The following AGBL3 variants were observed in gnomAD, a reference collection of about 807,000 sequenced individuals.
The protein encoded by AGBL3 is AGBL carboxypeptidase 3.
A neutral mutation model predicts 94.5 loss-of-function variants in AGBL3; 68 were observed. That is an observed-to-expected ratio of 0.72 (90% confidence interval 0.59 to 0.88). The LOEUF is 0.88. AGBL3 is among the 40% of genes least tolerant of loss of function. The pLI, the probability that AGBL3 is intolerant of heterozygous loss-of-function variation, is 0.00. For missense variants in AGBL3, 934 were observed against 1,103.8 expected (o/e 0.85, Z 2.18); for synonymous variants, 354 against 370.7 (o/e 0.95, Z 0.52).
At chr7:135,053,011 G>A (rs1318362533) in intron 11 of AGBL3, among the ~76,000 whole-genome samples, 1 of 152,134 alleles carries the variant, frequency 6.6e-6, no homozygotes, top group African/African-American at 2.4e-5. Flanking sequence ...TACATGTGCA[G>A]AAATATTACA....
chr7:135,041,973 G>A (rs1424452509), intron 8 of AGBL3, among the ~76,000 whole-genome samples: 1 of 152,168 alleles, frequency 6.6e-6, no homozygotes, highest in Non-Finnish European at 1.5e-5. Flanking sequence ...ACCATGAGGA[G>A]ATACAATTAT....
chr7:135,090,637 T>A (rs952245426), intron 15 of AGBL3, among the ~76,000 whole-genome samples: 4 of 152,020 alleles, frequency 2.6e-5, no homozygotes, highest in Non-Finnish European at 4.4e-5. Context: ...CCACTCTGAG[T>A]GACCAAGGCA....
At chr7:135,092,099 A>G (rs1020864176) in intron 15 of AGBL3, among the ~76,000 whole-genome samples, 4 of 152,188 alleles carry the variant, frequency 2.6e-5, no homozygotes, top group African/African-American at 9.7e-5. Flanking sequence ...TTATATGTAA[A>G]TGCTTTCCTT....
chr7:135,056,764 T>A (rs1818378936), intron 11 of AGBL3, among the ~76,000 whole-genome samples: 1 of 152,088 alleles, frequency 6.6e-6, no homozygotes, highest in South Asian at 2.1e-4. Flanking sequence ...GAGAGAGAGT[T>A]TGTGTTCATA....
At position 135,034,513 on chromosome 7, in the gene AGBL3, G is replaced by C. The variant is rs962876890; in HGVS notation, c.922G>C (p.Glu308Gln). The C allele has an allele frequency of 2.2e-5, 34 of 1,551,936 alleles. 1 individual carries two copies. The Middle Eastern group carries it at 8.3e-4, about 38-fold the overall frequency. The stretch of plus-strand genomic sequence containing the variant: ...TCCATACACTTACACCAACCTGCAA[G>C]AATACCTTTCTGGCATCAATAATGA... ...CYPYTYTNLQ[E>Q]YLSGINNDPV... The change falls in exon 7 of 17, where the codon GAA becomes CAA. Residue 308 changes from glutamate (E) to glutamine (Q), a missense_variant. Coordinates refer to ENST00000436302, the MANE Select transcript of AGBL3 (RefSeq NM_178563.4).
chr7:135,133,067 GCACACA>G (rs55861736), intron 16 of AGBL3, among the ~76,000 whole-genome samples: 2,013 of 150,406 alleles, frequency 0.013, 28 homozygotes, highest in African/African-American at 0.037. Context: ...ACGCATGCGT[GCACACA>G]CACACACACA....
intron 16 of AGBL3, among the ~76,000 whole-genome samples, chr7:135,131,947 A>C (rs1159812870): frequency 6.6e-6 from 1 of 152,172 alleles, no homozygotes; most frequent in East Asian, 1.9e-4. Context: ...TTATTTCCTC[A>C]ATAAAATATG....
At chr7:135,044,287 CA>C in intron 9 of AGBL3, 136 bp downstream of exon 9, 1 of 888,486 alleles carries the variant, frequency 1.1e-6, no homozygotes, top group Non-Finnish European at 1.5e-6. Context: ...ATTCTATAAA[CA>C]GGATGAATAA....
At chr7:135,129,415 T>C in intron 16 of AGBL3, 1 of 799,890 alleles carries the variant, frequency 1.3e-6, no homozygotes. Context: ...GATAAGAGGG[T>C]GATTCAGAAG....
chr7:135,123,197 C>T (rs1413114214), intron 16 of AGBL3, among the ~76,000 whole-genome samples: 1 of 152,156 alleles, frequency 6.6e-6, no homozygotes, highest in Non-Finnish European at 1.5e-5. Flanking sequence ...TAGAGAGGAA[C>T]ATAAATGACC....
chr7:135,058,786 C>A (rs1584965595), intron 11 of AGBL3, among the ~76,000 whole-genome samples: 2 of 152,216 alleles, frequency 1.3e-5, no homozygotes, highest in East Asian at 1.9e-4. Flanking sequence ...GACAGAGTTT[C>A]ACTCTTGTTG....
chr7:135,011,677 T>C (rs1321034244), intron 4 of AGBL3: 1 of 152,124 alleles, frequency 6.6e-6, no homozygotes, highest in East Asian at 1.9e-4. Context: ...TATCATGAAG[T>C]CTTGTTGTGA....
intron 7 of AGBL3, among the ~76,000 whole-genome samples, chr7:135,037,202 G>A (rs1457103369): frequency 6.6e-6 from 1 of 152,204 alleles, no homozygotes; most frequent in Non-Finnish European, 1.5e-5. Context: ...TTACAGGCAT[G>A]AGCCACTGCG....
At chr7:135,129,308 C>G (rs1585286641) in intron 16 of AGBL3, 2 of 1,432,022 alleles carry the variant, frequency 1.4e-6, no homozygotes, top group East Asian at 2.3e-5. Context: ...ACCATGGGGT[C>G]TCTCCATGTA....
At chr7:135,056,396 A>C (rs937790334) in intron 11 of AGBL3, among the ~76,000 whole-genome samples, 1 of 151,972 alleles carries the variant, frequency 6.6e-6, no homozygotes, top group Non-Finnish European at 1.5e-5. Flanking sequence ...ATTTCCCTCT[A>C]AGCACTGCTT....
intron 8 of AGBL3, among the ~76,000 whole-genome samples, chr7:135,041,256 T>C (rs1324848813): frequency 6.6e-6 from 1 of 152,102 alleles, no homozygotes; most frequent in Non-Finnish European, 1.5e-5. Flanking sequence ...TGTTTATAGA[T>C]ATAAACAGGC....
At chr7:135,129,321 G>A (rs768794831) in intron 16 of AGBL3, 132 of 1,302,416 alleles carry the variant, frequency 1.0e-4, no homozygotes, top group Non-Finnish European at 1.4e-4. Context: ...TCCATGTAAG[G>A]TGACTGCAGA....
intron 15 of AGBL3, among the ~76,000 whole-genome samples, chr7:135,090,992 T>C (rs1397131000): frequency 6.6e-6 from 1 of 152,116 alleles, no homozygotes; most frequent in Non-Finnish European, 1.5e-5. Flanking sequence ...TCCAGGCAGC[T>C]CCTTCAGCTG....
At chr7:135,016,018 G>T (rs1175772864) in intron 4 of AGBL3, among the ~76,000 whole-genome samples, 1 of 148,530 alleles carries the variant, frequency 6.7e-6, no homozygotes, top group South Asian at 2.1e-4. Context: ...GCGACAGAGC[G>T]ACACTCCATC....
Sources: allele counts gnomAD v4.1 joint callset (sites outside exome capture counted in the v4.1 genomes callset), GRCh38; gene constraint gnomAD v4.1.1; transcripts MANE v1.5; gene names NCBI Gene and HGNC (gene_info 2026-07-23, HGNC 2026-07-21).